SEMG2: variants seen among roughly 807,000 people sequenced by gnomAD.
The protein encoded by SEMG2 is semenogelin 2, also known as semenogelin-2.
SEMG2 carries 3 observed loss-of-function variants against 8.1 expected under a neutral mutation model. The observed-to-expected ratio is 0.37, with a 90% confidence interval of 0.17 to 0.96. SEMG2 has a LOEUF of 0.96. Among genes scored for constraint, SEMG2 ranks in the 40% least tolerant of loss-of-function variants. The pLI is 0.41. For missense variants in SEMG2, 726 were observed against 671.2 expected (o/e 1.08, Z -0.90); for synonymous variants, 252 against 231.4 (o/e 1.09, Z -0.81).
Position 45,222,186 on chromosome 20 carries a change from G to T in SEMG2, c.554G>T (p.Arg185Ile). ...QASASGAQKG[R>I]TQGGSQSSYV... The stretch of plus-strand genomic sequence containing the variant: ...TCAGCCTCTGGTGCACAAAAAGGTA[G>T]AACACAAGGTGGATCCCAAAGCAGT... The change falls in exon 2 of 3, where the codon AGA becomes ATA. Residue 185 changes from arginine (R) to isoleucine (I), a missense_variant. Physicochemically the swap from Arg to Ile is moderately conservative, Grantham distance 97. Coordinates refer to ENST00000372769, the MANE Select transcript of SEMG2 (RefSeq NM_003008.3). 1 of 1,614,138 alleles carries T rather than the reference G, an allele frequency of 6.2e-7. No individual in the cohort carries two copies. The highest frequency in any genetic ancestry group is 1.1e-5 in the South Asian group (1 of 91,074).
At position 45,222,592 on chromosome 20, in the gene SEMG2, G is replaced by A. The variant is rs1344060398; in HGVS notation, c.960G>A (p.Glu320=). Residue 320 remains glutamate (E), a synonymous_variant, in exon 2 of 3, where the codon GAG becomes GAA. Transcript: ENST00000372769. ...SKGSISIQTE[E]KIHGKSQNQV... ...GCAGCATTTCTATCCAAACTGAAGA[G>A]AAAATACATGGCAAGTCTCAAAACC... 2 of 1,614,076 alleles carry A rather than the reference G, an allele frequency of 1.2e-6. No individual in the cohort carries two copies. Among genetic ancestry groups the A allele is most frequent in the African/African-American group, 2.7e-5 (2 of 75,016 alleles).
In SEMG2 at chr20:45,222,016, A is replaced by T. The variant is rs192628433; in HGVS notation, c.384A>T (p.Ile128=). The T allele has an allele frequency of 4.3e-5, 69 of 1,614,180 alleles. No individual in the cohort carries two copies. The highest frequency in any genetic ancestry group is 3.5e-4 in the African/African-American group (26 of 75,076). Residue 128 remains isoleucine (I), a synonymous_variant, in exon 2 of 3, where the codon ATA becomes ATT. Transcript: ENST00000372769. The part of the protein sequence containing the change: ...KSKGHFHMIV[I]HHKGGQAHHG... ...AAGGTCATTTTCACATGATAGTTAT[A>T]CATCATAAAGGAGGCCAAGCTCATC...
Position 45,222,257 on chromosome 20 carries a change from G to A in SEMG2, c.625G>A (p.Glu209Lys), listed in dbSNP as rs1325207189. The part of the protein sequence containing the change: ...EELVVNKQQR[E>K]TKNSHQNKGH... Reference sequence around the variant, plus strand: ...ACTAGTAGTTAACAAACAACAACGTGAGACTAAAAATTCTCATCAAAATAA... The same window carrying A: ...ACTAGTAGTTAACAAACAACAACGTAAGACTAAAAATTCTCATCAAAATAA... Residue 209 changes from glutamate (E) to lysine (K), a missense_variant, in exon 2 of 3, where the codon GAG (glutamate) becomes AAG (lysine). Glu to Lys is a moderately conservative substitution (Grantham distance 56, BLOSUM62 1). Transcript: ENST00000372769. 6 of 1,613,996 alleles carry A rather than the reference G, an allele frequency of 3.7e-6. No individual in the cohort carries two copies. Among genetic ancestry groups the A allele is most frequent in the Non-Finnish European group, 5.1e-6 (6 of 1,180,014 alleles).
rs767363719 is a variant in SEMG2, at chr20:45,222,189, C to A, written c.557C>A (p.Thr186Lys). 21 of 1,614,130 alleles carry A rather than the reference C, an allele frequency of 1.3e-5. No individual in the cohort carries two copies. The highest frequency in any genetic ancestry group is 1.6e-5 in the Non-Finnish European group (19 of 1,179,996). ...ASASGAQKGR[T>K]QGGSQSSYVL... ...GCCTCTGGTGCACAAAAAGGTAGAA[C>A]ACAAGGTGGATCCCAAAGCAGTTAT... Residue 186 changes from threonine to lysine, a missense_variant, in exon 2 of 3, where the codon ACA becomes AAA. Physicochemically the swap from Thr to Lys is moderately conservative, Grantham distance 78. Transcript: ENST00000372769.
At position 45,221,905 on chromosome 20, in the gene SEMG2, T is replaced by A. The variant is rs374565015; in HGVS notation, c.273T>A (p.His91Gln). The change falls in exon 2 of 3, where the codon CAT becomes CAA. Residue 91 changes from histidine to glutamine, a missense_variant. His to Gln is a conservative substitution (Grantham distance 24). Transcript: ENST00000372769. ...AGCAATATGATTTGAATGCCCTACA[T>A]AAGGCGACAAAATCAAAACAACACC... The part of the protein sequence containing the change: ...KSQQYDLNAL[H>Q]KATKSKQHLG... The A allele has an allele frequency of 7.4e-6, 12 of 1,613,586 alleles. No individual in the cohort carries two copies. The highest frequency in any genetic ancestry group is 1.3e-5 in the African/African-American group (1 of 74,980).
At position 45,223,274 on chromosome 20, in the gene SEMG2, C is replaced by A. The variant is rs1310500027; in HGVS notation, c.1642C>A (p.Gln548Lys). The change falls in exon 2 of 3, where the codon CAG becomes AAG. Residue 548 changes from glutamine to lysine, a missense_variant. Coordinates refer to ENST00000372769, the MANE Select transcript of SEMG2 (RefSeq NM_003008.3). The part of the protein sequence containing the change: ...LSHEQKGRYK[Q>K]ESSESHNIVI... Reference sequence around the variant, plus strand: ...TCATGAACAAAAAGGCAGATACAAACAGGAATCCAGTGAGTCACATAATAT... The same window carrying A: ...TCATGAACAAAAAGGCAGATACAAAAAGGAATCCAGTGAGTCACATAATAT... The A allele has an allele frequency of 6.2e-7, 1 of 1,614,126 alleles. No homozygotes were observed. The highest frequency in any genetic ancestry group is 1.3e-5 in the African/African-American group (1 of 75,054).
In SEMG2 at chr20:45,222,733, A is replaced by G. The variant is rs777808936; in HGVS notation, c.1101A>G (p.Lys367=). The change falls in exon 2 of 3, where the codon AAA becomes AAG. Residue 367 remains lysine (K), a synonymous_variant. Transcript: ENST00000372769. ...HLNCGEKGIQ[K]GVSKGSISIQ... Reference sequence around the variant, plus strand: ...ACTGTGGAGAAAAGGGCATCCAGAAAGGTGTATCCAAAGGCAGTATTTCGA... The same window carrying G: ...ACTGTGGAGAAAAGGGCATCCAGAAGGGTGTATCCAAAGGCAGTATTTCGA... 6 of 1,613,956 alleles carry G rather than the reference A, an allele frequency of 3.7e-6. No homozygotes were observed. The highest frequency in any genetic ancestry group is 1.6e-4 in the Middle Eastern group (1 of 6,084).
rs1310746593 is a variant in SEMG2, at chr20:45,223,041, C to T, written c.1409C>T (p.Ser470Phe). Residue 470 changes from serine to phenylalanine, a missense_variant, in exon 2 of 3, where the codon TCT (serine) becomes TTT (phenylalanine). Transcript: ENST00000372769. ...GHKENKMSYQ[S>F]SSTEERRLNY... The stretch of plus-strand genomic sequence containing the variant: ...AAGGAAAATAAAATGTCATACCAAT[C>T]TTCAAGTACAGAAGAAAGACGACTC... The T allele has an allele frequency of 6.2e-7, 1 of 1,614,032 alleles. No homozygotes were observed. The highest frequency in any genetic ancestry group is 8.5e-7 in the Non-Finnish European group (1 of 1,180,018).
In SEMG2 at chr20:45,223,247, A is replaced by G; in HGVS notation, c.1615A>G (p.Ser539Gly). The G allele has an allele frequency of 6.2e-7, 1 of 1,614,192 alleles. No individual in the cohort carries two copies. The highest frequency in any genetic ancestry group is 2.2e-5 in the East Asian group (1 of 44,884). The change falls in exon 2 of 3, where the codon AGT becomes GGT. Residue 539 changes from serine to glycine, a missense_variant. Transcript: ENST00000372769. ...QSADSKQDLL[S>G]HEQKGRYKQE... Reference sequence around the variant, plus strand: ...TGCAGATAGCAAACAAGACCTACTCAGTCATGAACAAAAAGGCAGATACAA... The same window carrying G: ...TGCAGATAGCAAACAAGACCTACTCGGTCATGAACAAAAAGGCAGATACAA...
chr20:45,223,239 A>G lies in SEMG2; in HGVS notation c.1607A>G (p.Asp536Gly), dbSNP rs1467574878. 1.9e-6 allele frequency: 3 copies of G among 1,614,178 alleles called. No homozygotes were observed. The highest frequency in any genetic ancestry group is 3.3e-5 in the Admixed American group (2 of 60,022). ...KSGQSADSKQ[D>G]LLSHEQKGRY... ...GGTCAATCTGCAGATAGCAAACAAG[A>G]CCTACTCAGTCATGAACAAAAAGGC... Residue 536 changes from aspartate to glycine, a missense_variant, in exon 2 of 3, where the codon GAC becomes GGC. Coordinates refer to ENST00000372769, the MANE Select transcript of SEMG2 (RefSeq NM_003008.3).
chr20:45,221,898 C>T lies in SEMG2; in HGVS notation c.266C>T (p.Ala89Val), dbSNP rs745679734. The T allele has an allele frequency of 6.2e-6, 10 of 1,613,808 alleles. No individual in the cohort carries two copies. In the South Asian group the frequency reaches 1.1e-4, roughly 18 times the overall value. Residue 89 changes from alanine to valine, a missense_variant, in exon 2 of 3, where the codon GCC (alanine) becomes GTC (valine). Ala to Val is a moderately conservative substitution (Grantham distance 64). Coordinates refer to ENST00000372769, the MANE Select transcript of SEMG2 (RefSeq NM_003008.3). ...TRKSQQYDLN[A>V]LHKATKSKQH... ...AAAAGTCAGCAATATGATTTGAATG[C>T]CCTACATAAGGCGACAAAATCAAAA...
chr20:45,221,603 T>C (rs570069144), intron 1 of SEMG2, 106 bp from the exon 2 acceptor site: 7 of 1,394,216 alleles, frequency 5.0e-6, no homozygotes, highest in Non-Finnish European at 6.9e-6. Context: ...CCCAACGCTG[T>C]AGGCTTTTGG....
chr20:45,223,820 ATT>A (rs1984081857), intron 2 of SEMG2, among the ~76,000 whole-genome samples: 1 of 152,128 alleles, frequency 6.6e-6, no homozygotes, highest in African/African-American at 2.4e-5. Flanking sequence ...AGCAGTTAAT[ATT>A]TTCTTTCTGC....
Position 45,221,830 on chromosome 20 carries a change from A to G in SEMG2, c.198A>G (p.Gln66=). The change falls in exon 2 of 3, where the codon CAA becomes CAG. Residue 66 remains glutamine, a synonymous_variant. Transcript: ENST00000372769. ...HTKSKGSFSI[Q]HTYHVDINDH... ...AATCCAAAGGCAGTTTTTCTATTCA[A>G]CACACATATCATGTAGACATCAATG... is the stretch of plus-strand genomic sequence containing the variant. The G allele has an allele frequency of 6.2e-7, 1 of 1,614,204 alleles. No homozygotes were observed. The highest frequency in any genetic ancestry group is 8.5e-7 in the Non-Finnish European group (1 of 1,180,028).
rs1568840582 is a variant in SEMG2, at chr20:45,221,964, A to C, written c.332A>C (p.Gln111Pro). 1 of 1,613,776 alleles carries C rather than the reference A, an allele frequency of 6.2e-7. No individual in the cohort carries two copies. The highest frequency in any genetic ancestry group is 2.2e-5 in the East Asian group (1 of 44,874). Residue 111 changes from glutamine (Q) to proline (P), a missense_variant, in exon 2 of 3, where the codon CAA becomes CCA. Physicochemically the swap from Gln to Pro is moderately conservative, Grantham distance 76 (BLOSUM62 -1). Transcript: ENST00000372769. ...AGTCAACAACTGCTCAATTATAAAC[A>C]AGAAGGCAGAGACCATGATAAATCA... ...GGSQQLLNYK[Q>P]EGRDHDKSKG...
intron 2 of SEMG2, among the ~76,000 whole-genome samples, chr20:45,223,968 G>A (rs1181498855): frequency 1.3e-5 from 2 of 152,200 alleles, no homozygotes; most frequent in Admixed American, 6.5e-5. Context: ...TGTTCAGATT[G>A]TGAAAAAGGA....
rs550286140 is a variant in SEMG2 at position 45,221,599 on chromosome 20, G to A, written c.77-110G>A. 1,096 of 1,389,512 alleles carry A rather than the reference G, an allele frequency of 7.9e-4. 1 individual carries two copies. Among genetic ancestry groups the A allele is most frequent in the African/African-American group, 1.6e-3 (109 of 69,280 alleles). The allele number at this position is 1,389,512 out of a possible 1,614,324, so 86.1% of individuals were successfully genotyped here. On this transcript the variant is annotated intron_variant, in intron 1 of 2. Coordinates refer to ENST00000372769, the MANE Select transcript of SEMG2 (RefSeq NM_003008.3). ...GAGAATTGATTTTTCTCCACCCAAC[G>A]CTGTAGGCTTTTGGAAATATCAGAA...
Position 45,222,449 on chromosome 20 carries a change from C to T in SEMG2, c.817C>T (p.Leu273Phe), listed in dbSNP as rs1474535056. 3 of 1,614,106 alleles carry T rather than the reference C, an allele frequency of 1.9e-6. No homozygotes were observed. Among genetic ancestry groups the T allele is most frequent in the Non-Finnish European group, 2.5e-6 (3 of 1,180,000 alleles). ...YNKNQHQTKN[L>F]SQDQEHGRKA... is the part of the protein sequence containing the mutation. ...CAAGAATCAACACCAGACAAAAAAT[C>T]TCAGTCAAGATCAAGAGCATGGCCG... The change falls in exon 2 of 3, where the codon CTC becomes TTC. Residue 273 changes from leucine (L) to phenylalanine (F), a missense_variant. Leu to Phe is a conservative substitution (Grantham distance 22). Coordinates refer to ENST00000372769, the MANE Select transcript of SEMG2 (RefSeq NM_003008.3).
At chr20:45,223,447 A>G in intron 2 of SEMG2, 22 bp downstream of exon 2, 4 of 1,163,916 alleles carry the variant, frequency 3.4e-6, no homozygotes, top group East Asian at 2.4e-5. Flanking sequence ...TTTCTTACCA[A>G]ATAGGAGAGG....
Sources: allele counts gnomAD v4.1 joint callset (sites outside exome capture counted in the v4.1 genomes callset), GRCh38; gene constraint gnomAD v4.1.1; transcripts MANE v1.5; gene names NCBI Gene and HGNC (gene_info 2026-07-23, HGNC 2026-07-21).